The following ADAM23 variants were observed in gnomAD, a reference collection of about 807,000 sequenced individuals.
ADAM23 encodes the protein ADAM metallopeptidase domain 23.
A neutral mutation model predicts 120.1 loss-of-function variants in ADAM23; 33 were observed. The observed-to-expected ratio is 0.27, with a 90% CI of 0.21 to 0.37. The LOEUF (loss-of-function observed/expected upper bound fraction) is 0.37. Among genes scored for constraint, ADAM23 ranks in the 10% least tolerant of loss-of-function variants. The probability of loss-of-function intolerance (pLI) is 1.00; values close to 1 mark genes in which losing one functional copy is unlikely to be tolerated. For synonymous variants in ADAM23, 367 were observed against 375.2 expected (o/e 0.98, Z 0.25); for missense variants, 862 against 1,058.2 (o/e 0.81, Z 2.57).
At chr2:206,444,491 C>T (rs918750384) in intron 1 of ADAM23, among the ~76,000 whole-genome samples, 2 of 152,096 alleles carry the variant, frequency 1.3e-5, no homozygotes, top group South Asian at 2.1e-4. Context: ...CCTCAAATTT[C>T]GTATCCGGCG....
intron 2 of ADAM23, among the ~76,000 whole-genome samples, chr2:206,452,935 C>G (rs555421293): frequency 2.6e-5 from 4 of 152,186 alleles, no homozygotes; most frequent in Non-Finnish European, 4.4e-5. Flanking sequence ...TCTGGTCTCT[C>G]TCTCTGTCAA....
intron 2 of ADAM23, among the ~76,000 whole-genome samples, chr2:206,458,074 T>C (rs1224446201): frequency 1.3e-5 from 2 of 152,226 alleles, no homozygotes; most frequent in Non-Finnish European, 2.9e-5. Context: ...GCTGCTAGGC[T>C]GTATAGAATG....
At chr2:206,458,307 G>C (rs1695342480) in intron 2 of ADAM23, among the ~76,000 whole-genome samples, 1 of 152,240 alleles carries the variant, frequency 6.6e-6, no homozygotes, top group African/African-American at 2.4e-5. Flanking sequence ...AATCCAAGTT[G>C]TGAACTGCTC....
intron 3 of ADAM23, among the ~76,000 whole-genome samples, chr2:206,493,592 C>T (rs1559232708): frequency 6.6e-6 from 1 of 152,162 alleles, no homozygotes. Flanking sequence ...AGGCTGGTCT[C>T]GAACTCCCGA....
At position 206,547,502 on chromosome 2, in the gene ADAM23, G is replaced by T; in HGVS notation, c.793+1G>T. The stretch of plus-strand genomic sequence containing the variant: ...TATTCTAAGCAAATGAAGAATCTCA[G>T]TAAGTTTTAACTAAAAATAGCGATT... On this transcript the variant is annotated splice_donor_variant, in intron 7 of 25. Transcript: ENST00000264377. LOFTEE classifies it high-confidence loss of function. The T allele has an allele frequency of 6.2e-7, 1 of 1,607,552 alleles. No homozygotes were observed. Among genetic ancestry groups the T allele is most frequent in the Non-Finnish European group, 8.5e-7 (1 of 1,174,660 alleles).
chr2:206,558,351 C>T (rs1217765777), intron 10 of ADAM23, among the ~76,000 whole-genome samples: 4 of 152,072 alleles, frequency 2.6e-5, no homozygotes. Context: ...AAAACCCCAC[C>T]ATTTTTTATA....
chr2:206,548,244 A>C, intron 7 of ADAM23, 37 bp from the exon 8 acceptor site: 15 of 1,571,434 alleles, frequency 9.5e-6, no homozygotes, highest in African/African-American at 1.3e-5. Flanking sequence ...CATTGAAATA[A>C]GCATAAAATT....
At chr2:206,485,655 T>C (rs1695996397) in intron 3 of ADAM23, among the ~76,000 whole-genome samples, 1 of 152,190 alleles carries the variant, frequency 6.6e-6, no homozygotes, top group African/African-American at 2.4e-5. Flanking sequence ...CAGCAAATGT[T>C]GAGTGAGCAT....
chr2:206,453,619 T>G (rs1695239286), intron 2 of ADAM23, among the ~76,000 whole-genome samples: 2 of 152,180 alleles, frequency 1.3e-5, no homozygotes, highest in Non-Finnish European at 2.9e-5. Flanking sequence ...TTAATTAAAT[T>G]TAATGGTAGA....
chr2:206,479,152 C>T (rs1695843988), intron 2 of ADAM23, among the ~76,000 whole-genome samples: 1 of 152,186 alleles, frequency 6.6e-6, no homozygotes, highest in Admixed American at 6.5e-5. Context: ...TAAACTGAAG[C>T]TAGTCACATT....
At chr2:206,507,959 C>T (rs943823214) in intron 3 of ADAM23, among the ~76,000 whole-genome samples, 1 of 152,126 alleles carries the variant, frequency 6.6e-6, no homozygotes, top group South Asian at 2.1e-4. Context: ...AGGTCTGTCT[C>T]TCAGTGGAGG....
intron 18 of ADAM23, among the ~76,000 whole-genome samples, chr2:206,575,939 A>G (rs1332175955): frequency 6.6e-6 from 1 of 152,118 alleles, no homozygotes; most frequent in African/African-American, 2.4e-5. Context: ...CCAGAAGAAA[A>G]AATGAGGAGA....
chr2:206,530,628 A>G (rs1697036000), intron 3 of ADAM23, among the ~76,000 whole-genome samples: 2 of 150,930 alleles, frequency 1.3e-5, no homozygotes, highest in South Asian at 4.2e-4. Flanking sequence ...AAAGAAAAAA[A>G]AAAAAAAAAA....
intron 2 of ADAM23, among the ~76,000 whole-genome samples, chr2:206,448,286 A>G (rs1213437775): frequency 2.6e-5 from 4 of 152,216 alleles, no homozygotes. Flanking sequence ...TGCTTACTCA[A>G]ATTCAAGATT....
At position 206,471,536 on chromosome 2, in the gene ADAM23, C is replaced by T. The variant is rs116217167; in HGVS notation, c.433-9696C>T. The stretch of plus-strand genomic sequence containing the variant: ...TATATAAGCAAATTTAAAAAACTGC[C>T]ATGTAATGAGTCACAGACACTAAGC... On this transcript the variant is annotated intron_variant, in intron 2 of 25. Coordinates refer to ENST00000264377, the MANE Select transcript of ADAM23 (RefSeq NM_003812.4). Among the ~76,000 whole-genome samples the T allele has an allele frequency of 7.1e-3, 1,080 of 152,158 alleles. 17 individuals carry two copies. The highest frequency in any genetic ancestry group is 0.025 in the African/African-American group (1,022 of 41,506).
chr2:206,596,172 A>AT lies in ADAM23; in HGVS notation c.2359+14dup, dbSNP rs1333008780. On this transcript the variant is annotated intron_variant, in intron 24 of 25. Transcript: ENST00000264377. ...GATGAAGGACCCAAGGGTTTGTGTG[A>AT]TTTTGGTTTCAATTCATGGAATACT... The AT allele has an allele frequency of 1.2e-6, 2 of 1,609,280 alleles. No individual in the cohort carries two copies. The highest frequency in any genetic ancestry group is 3.3e-5 in the Admixed American group (2 of 59,798).
chr2:206,559,930 C>A, intron 10 of ADAM23, 25 bp from the exon 11 acceptor site: 1 of 1,593,464 alleles, frequency 6.3e-7, no homozygotes, highest in Non-Finnish European at 8.6e-7. Flanking sequence ...TTTCCTCCTG[C>A]ACCTGTCCTG....
intron 2 of ADAM23, among the ~76,000 whole-genome samples, chr2:206,450,682 A>C (rs1332586140): frequency 6.6e-6 from 1 of 152,198 alleles, no homozygotes; most frequent in Non-Finnish European, 1.5e-5. Context: ...TTCTTAGATA[A>C]TGTCTCTCAC....
rs575654797 is a variant in ADAM23 at position 206,516,624 on chromosome 2, C to A, written c.510-14261C>A. ...TGGTCTCTTCTTAAAAAAGAGAGGA[C>A]TTCACCCCTTTGCCCTCATCTAAAC... is the stretch of plus-strand genomic sequence containing the variant. On this transcript the variant is annotated intron_variant, in intron 3 of 25. Coordinates refer to ENST00000264377, the MANE Select transcript of ADAM23 (RefSeq NM_003812.4). 7.9e-5 allele frequency among the ~76,000 whole-genome samples: 12 copies of A among 152,114 alleles called. No individual in the cohort carries two copies. In the South Asian group the frequency reaches 2.5e-3, roughly 32 times the overall value.
Sources: allele counts gnomAD v4.1 joint callset (sites outside exome capture counted in the v4.1 genomes callset), GRCh38; gene constraint gnomAD v4.1.1; transcripts MANE v1.5; gene names NCBI Gene and HGNC (gene_info 2026-07-23, HGNC 2026-07-21).